Variants in PPM1G observed in about 807,000 individuals in gnomAD.
PPM1G encodes the protein protein phosphatase, Mg2+/Mn2+ dependent 1G.
Under a neutral mutation model 59.4 loss-of-function variants are expected in PPM1G, and 12 were observed. The ratio of observed to expected loss-of-function variants is 0.20; its 90% CI spans 0.13 to 0.33. The LOEUF (loss-of-function observed/expected upper bound fraction) is 0.33. Among genes scored for constraint, PPM1G ranks in the 10% least tolerant of loss-of-function variants. PPM1G has a pLI of 1.00. For synonymous variants in PPM1G, 245 were observed against 251.9 expected, an observed-to-expected ratio of 0.97 and a Z score of 0.26; for missense variants, 392 against 681.3, an observed-to-expected ratio of 0.58 and a Z score of 4.73.
chr2:27,395,269 A>G (rs1684022482), intron 1 of PPM1G, among the ~76,000 whole-genome samples: 1 of 151,058 alleles, frequency 6.6e-6, no homozygotes, highest in African/African-American at 2.4e-5. Flanking sequence ...GAAAGAAAGA[A>G]AAACTTAATT....
intron 1 of PPM1G, among the ~76,000 whole-genome samples, chr2:27,393,689 A>G (rs1244127011): frequency 6.6e-6 from 1 of 152,088 alleles, no homozygotes. Context: ...GGTTCAAGCA[A>G]TTCTCCTGCC....
intron 1 of PPM1G, among the ~76,000 whole-genome samples, chr2:27,398,884 A>G (rs1301467725): frequency 1.3e-5 from 2 of 150,776 alleles, no homozygotes; most frequent in Non-Finnish European, 3.0e-5. Context: ...GTGGCTCATG[A>G]CTGTAATCCC....
rs1683743995 is a variant in PPM1G, at chr2:27,385,680, A to AT, written c.409+66dup. 1 of 1,558,554 alleles carries AT rather than the reference A, an allele frequency of 6.4e-7. No homozygotes were observed. Among genetic ancestry groups the AT allele is most frequent in the Admixed American group, 1.9e-5 (1 of 51,436 alleles). On this transcript the variant is annotated intron_variant, in intron 4 of 9. Transcript: ENST00000344034. This position sits in a 1 kb window ranked among gnomAD's most constrained non-coding sequence, Gnocchi z 4.1. ...AGAAAGCCATCCTATCTTAGAATTG[A>AT]TAAGTAATATTAAAGAATATTTCTT...
chr2:27,385,256 A>C lies in PPM1G; in HGVS notation c.410-168T>G. ...AACATGCCCTAGCTCCTCCTCCTCC[A>C]CAGACTTCTTTTGGTTTTTGTGTTT... On this transcript the variant is annotated intron_variant, in intron 4 of 9. Coordinates refer to ENST00000344034, the MANE Select transcript of PPM1G (RefSeq NM_177983.3). The surrounding 1 kb of genome is among the most constrained non-coding windows in gnomAD (Gnocchi z 4.1). The C allele has an allele frequency of 3.0e-6, 2 of 674,668 alleles. No individual in the cohort carries two copies. Among genetic ancestry groups the C allele is most frequent in the Non-Finnish European group, 4.7e-6 (2 of 428,024 alleles). 41.8% of individuals were successfully genotyped at this position (674,668 alleles called of 1,614,324 possible). A position where few individuals can be genotyped will look rare whatever the true frequency, so the allele number is the denominator to read the frequency against.
intron 1 of PPM1G, among the ~76,000 whole-genome samples, chr2:27,387,557 G>A (rs1307013636): frequency 2.6e-5 from 4 of 152,002 alleles, no homozygotes; most frequent in African/African-American, 9.7e-5. Context: ...CTGGAGTGCA[G>A]TGGCGCGATC....
chr2:27,385,466 G>C lies in PPM1G; in HGVS notation c.409+281C>G. 1 of 434,340 alleles carries C rather than the reference G, an allele frequency of 2.3e-6. No individual in the cohort carries two copies. 26.9% of individuals were successfully genotyped at this position (434,340 alleles called of 1,614,324 possible). A position where few individuals can be genotyped will look rare whatever the true frequency, so the allele number is the denominator to read the frequency against. ...CTAATAACTGCTCCAGTCTTGAGGG[G>C]AAAAAAAAGCACATAAATACTAGCA... On this transcript the variant is annotated intron_variant, in intron 4 of 9. Transcript: ENST00000344034. This position sits in a 1 kb window ranked among gnomAD's most constrained non-coding sequence, Gnocchi z 4.1.
At chr2:27,397,149 G>A (rs998069843) in intron 1 of PPM1G, among the ~76,000 whole-genome samples, 20 of 151,924 alleles carry the variant, frequency 1.3e-4, no homozygotes, top group Non-Finnish European at 2.5e-4. Context: ...GATTACAGGC[G>A]TGAGCCACCA....
At chr2:27,389,780 A>G (rs1683853386) in intron 1 of PPM1G, among the ~76,000 whole-genome samples, 1 of 152,164 alleles carries the variant, frequency 6.6e-6, no homozygotes, top group Non-Finnish European at 1.5e-5. Context: ...CCTAGGCAAC[A>G]TAGCAAGACC....
intron 1 of PPM1G, among the ~76,000 whole-genome samples, chr2:27,391,708 G>A (rs1317055298): frequency 2.7e-5 from 4 of 150,346 alleles, no homozygotes. Flanking sequence ...CTGACTGCCT[G>A]TTTCTACAGG....
At chr2:27,402,845 TAAATAAATA>T (rs1165701108) in intron 1 of PPM1G, among the ~76,000 whole-genome samples, 73 of 99,656 alleles carry the variant, frequency 7.3e-4, no homozygotes, top group African/African-American at 2.9e-3. Context: ...AATAAATAAA[TAAATAAATA>T]AAATAAACAT....
chr2:27,397,916 T>C (rs755101098), intron 1 of PPM1G, among the ~76,000 whole-genome samples: 22 of 152,034 alleles, frequency 1.4e-4, no homozygotes, highest in Non-Finnish European at 2.5e-4. Context: ...AAAAGGGAAC[T>C]TCCTAAACCT....
chr2:27,394,411 A>G (rs992883969), intron 1 of PPM1G, among the ~76,000 whole-genome samples: 2 of 152,120 alleles, frequency 1.3e-5, no homozygotes, highest in Non-Finnish European at 2.9e-5. Context: ...TACATAGGCT[A>G]AATCATTTCT....
chr2:27,406,088 C>T (rs1256445772), intron 1 of PPM1G, among the ~76,000 whole-genome samples: 3 of 152,124 alleles, frequency 2.0e-5, no homozygotes, highest in Non-Finnish European at 4.4e-5. Flanking sequence ...AGTAAAAATG[C>T]CAGCTATTGA....
intron 1 of PPM1G, among the ~76,000 whole-genome samples, chr2:27,391,215 T>A (rs13427216): frequency 6.6e-6 from 1 of 152,232 alleles, no homozygotes; most frequent in African/African-American, 2.4e-5. Context: ...ATCAGATTGC[T>A]GGGTCTAATG....
At position 27,385,489 on chromosome 2, in the gene PPM1G, G is replaced by A; in HGVS notation, c.409+258C>T. The A allele has an allele frequency of 2.1e-6, 1 of 470,938 alleles. No individual in the cohort carries two copies. The allele number at this position is 470,938 out of a possible 1,614,324, so 29.2% of individuals were successfully genotyped here. ...GGGAAAAAAAAGCACATAAATACTA[G>A]CAGGAACCAGGAAGACCCCATCACA... On this transcript the variant is annotated intron_variant, in intron 4 of 9. Transcript: ENST00000344034. This position sits in a 1 kb window ranked among gnomAD's most constrained non-coding sequence, Gnocchi z 4.1.
chr2:27,383,194 T>C lies in PPM1G; in HGVS notation c.1201+172A>G, dbSNP rs149006857. ...TAAGATGGGTATAATGATACCTATG[T>C]ATAATGATACCTCTACCCATCTTAG... On this transcript the variant is annotated intron_variant, in intron 7 of 9. Transcript: ENST00000344034. The surrounding 1 kb of genome is among the most constrained non-coding windows in gnomAD (Gnocchi z 5.0). Among the ~76,000 whole-genome samples the C allele has an allele frequency of 3.1e-4, 47 of 152,340 alleles. No homozygotes were observed. Among genetic ancestry groups the C allele is most frequent in the African/African-American group, 1.1e-3 (45 of 41,576 alleles).
At chr2:27,392,036 G>T (rs1276136010) in intron 1 of PPM1G, among the ~76,000 whole-genome samples, 9 of 150,852 alleles carry the variant, frequency 6.0e-5, no homozygotes, top group Non-Finnish European at 1.0e-4. Flanking sequence ...CGGCCAGGAT[G>T]TTCTTTCTCT....
At chr2:27,405,673 C>T (rs1028851361) in intron 1 of PPM1G, among the ~76,000 whole-genome samples, 1 of 152,020 alleles carries the variant, frequency 6.6e-6, no homozygotes, top group East Asian at 2.0e-4. Flanking sequence ...GGATTACAGG[C>T]GTTAAGCCAC....
chr2:27,384,629 C>A lies in PPM1G; in HGVS notation c.825+44G>T. Reference sequence around the variant, plus strand: ...AACTACAGACGGCAACCAAACAGGACCTCTCTGCAACTTCAGCATCTGCCT... The same window carrying A: ...AACTACAGACGGCAACCAAACAGGAACTCTCTGCAACTTCAGCATCTGCCT... On this transcript the variant is annotated intron_variant, in intron 5 of 9. Coordinates refer to ENST00000344034, the MANE Select transcript of PPM1G (RefSeq NM_177983.3). The surrounding 1 kb of genome is among the most constrained non-coding windows in gnomAD (Gnocchi z 4.8). The A allele has an allele frequency of 1.3e-6, 2 of 1,553,344 alleles. No homozygotes were observed. The highest frequency in any genetic ancestry group is 2.4e-5 in the South Asian group (2 of 81,690).
Sources: allele counts gnomAD v4.1 joint callset (sites outside exome capture counted in the v4.1 genomes callset), GRCh38; gene constraint gnomAD v4.1.1; non-coding constraint Gnocchi (gnomAD v3.1); transcripts MANE v1.5; gene names NCBI Gene and HGNC (gene_info 2026-07-23, HGNC 2026-07-21).